Variants in ASIC2 observed in about 807,000 individuals in gnomAD.
The protein encoded by ASIC2 is acid sensing ion channel subunit 2.
Under a neutral mutation model 57.3 loss-of-function variants are expected in ASIC2, and 25 were observed. That is an observed-to-expected ratio of 0.44 (90% CI 0.32 to 0.61). The LOEUF (loss-of-function observed/expected upper bound fraction) is 0.61, where lower values mean the gene tolerates loss of function less well. ASIC2 is among the 20% of genes least tolerant of loss of function. ASIC2 has a pLI of 0.06. For synonymous variants in ASIC2, 319 were observed against 307.5 expected (o/e 1.04, Z -0.39); for missense variants, 641 against 738.1 (o/e 0.87, Z 1.52).
chr17:33,405,155 G>A (rs2141961032), intron 1 of ASIC2, among the ~76,000 whole-genome samples: 1 of 152,202 alleles, frequency 6.6e-6, no homozygotes, highest in South Asian at 2.1e-4. Context: ...ATTATCAAAT[G>A]TTTCTCAAGG....
At chr17:33,553,735 C>G (rs182710826) in intron 1 of ASIC2, among the ~76,000 whole-genome samples, 9 of 152,290 alleles carry the variant, frequency 5.9e-5, no homozygotes, top group Admixed American at 5.9e-4. Flanking sequence ...TTCATTCTCA[C>G]AACATTCAAT....
At chr17:33,970,510 G>A (rs73990107) in intron 1 of ASIC2, among the ~76,000 whole-genome samples, 23,933 of 152,164 alleles carry the variant, frequency 0.16, 2,058 homozygotes, top group Middle Eastern at 0.23. Flanking sequence ...AGCAGCAGCC[G>A]TGGCATCACA....
At chr17:34,115,037 T>A (rs1282839230) in intron 1 of ASIC2, among the ~76,000 whole-genome samples, 1 of 152,220 alleles carries the variant, frequency 6.6e-6, no homozygotes, top group African/African-American at 2.4e-5. Flanking sequence ...GTTGCTCATT[T>A]CAGTGACCAG....
chr17:33,404,559 T>G (rs893284906), intron 1 of ASIC2, among the ~76,000 whole-genome samples: 13 of 152,184 alleles, frequency 8.5e-5, no homozygotes, highest in African/African-American at 3.1e-4. Flanking sequence ...TCCAATCAGT[T>G]GCACTCCAGA....
intron 1 of ASIC2, among the ~76,000 whole-genome samples, chr17:33,232,590 T>C (rs1489156220): frequency 1.3e-5 from 2 of 152,194 alleles, no homozygotes; most frequent in Non-Finnish European, 2.9e-5. Flanking sequence ...GTATTTGTGC[T>C]TTAAAAATAT....
At chr17:34,150,092 T>C (rs1440618812) in intron 1 of ASIC2, among the ~76,000 whole-genome samples, 1 of 152,204 alleles carries the variant, frequency 6.6e-6, no homozygotes, top group African/African-American at 2.4e-5. Flanking sequence ...TGTGACAACA[T>C]AGATGAACCT....
intron 1 of ASIC2, among the ~76,000 whole-genome samples, chr17:34,012,718 A>ATTT (rs201807010): frequency 6.7e-6 from 1 of 149,392 alleles, no homozygotes; most frequent in East Asian, 2.0e-4. Flanking sequence ...ACAGAGAATG[A>ATTT]TTTTTTTTTT....
intron 1 of ASIC2, among the ~76,000 whole-genome samples, chr17:33,159,904 C>G (rs1040670640): frequency 2.0e-5 from 3 of 152,148 alleles, no homozygotes; most frequent in African/African-American, 7.2e-5. Flanking sequence ...CAATGCCTGG[C>G]ACATAGAAAA....
intron 1 of ASIC2, among the ~76,000 whole-genome samples, chr17:33,925,167 G>A (rs1915798059): frequency 6.6e-6 from 1 of 152,258 alleles, no homozygotes; most frequent in Admixed American, 6.5e-5. Context: ...TTCAAGTCCA[G>A]CTATGTGACC....
chr17:33,753,567 A>G (rs1318798731), intron 1 of ASIC2, among the ~76,000 whole-genome samples: 3 of 152,286 alleles, frequency 2.0e-5, no homozygotes, highest in Non-Finnish European at 4.4e-5. Flanking sequence ...CTAGAATCAC[A>G]GCAGCTTCAG....
chr17:33,105,721 A>G (rs529839567), intron 2 of ASIC2, among the ~76,000 whole-genome samples: 2 of 152,224 alleles, frequency 1.3e-5, no homozygotes, highest in East Asian at 3.9e-4. Context: ...ATTCCTAGAG[A>G]CTCATCAAAT....
At chr17:33,466,481 G>GA (rs746297067) in intron 1 of ASIC2, among the ~76,000 whole-genome samples, 58 of 150,832 alleles carry the variant, frequency 3.8e-4, no homozygotes, top group East Asian at 9.7e-4. Context: ...ACAGAATTGG[G>GA]AAAAAAAAAC....
intron 1 of ASIC2, among the ~76,000 whole-genome samples, chr17:33,279,829 C>T (rs918180708): frequency 6.6e-6 from 1 of 152,114 alleles, no homozygotes; most frequent in Non-Finnish European, 1.5e-5. Flanking sequence ...TTTCTACTAA[C>T]CTTCTGAGCT....
intron 3 of ASIC2, among the ~76,000 whole-genome samples, chr17:33,054,888 T>C (rs1271538905): frequency 6.6e-6 from 1 of 152,182 alleles, no homozygotes; most frequent in Non-Finnish European, 1.5e-5. Flanking sequence ...GGGCGTGATG[T>C]AGGGCGGGCA....
rs1790153491 is a variant in ASIC2, at chr17:33,589,729, T to G, written c.556-477662A>C. ...CCTCTCAAAGGCTGAATAATATTCA[T>G]ATATATATATTCACACACCACATTT... On this transcript the variant is annotated intron_variant, in intron 1 of 9. Coordinates refer to the ASIC2 transcript ENST00000359872. 2.6e-5 allele frequency among the ~76,000 whole-genome samples: 4 copies of G among 152,242 alleles called. No individual in the cohort carries two copies. In the South Asian group the frequency reaches 8.3e-4, roughly 32 times the overall value.
chr17:33,900,444 T>A (rs1170364028), intron 1 of ASIC2, among the ~76,000 whole-genome samples: 1 of 152,132 alleles, frequency 6.6e-6, no homozygotes, highest in Admixed American at 6.5e-5. Context: ...CTCCCAACAC[T>A]GAGAATCTGT....
At chr17:33,837,588 T>G (rs573085944) in intron 1 of ASIC2, among the ~76,000 whole-genome samples, 13 of 152,332 alleles carry the variant, frequency 8.5e-5, no homozygotes, top group African/African-American at 2.6e-4. Context: ...CTTTCCTTTC[T>G]CCTAAATGCC....
chr17:33,160,138 G>A (rs60375252), intron 1 of ASIC2, among the ~76,000 whole-genome samples: 39,299 of 151,844 alleles, frequency 0.26, 5,224 homozygotes, highest in East Asian at 0.4. Flanking sequence ...GAGCCTAGGA[G>A]GTGGAGGCTG....
At chr17:33,281,798 G>C (rs1253129997) in intron 1 of ASIC2, among the ~76,000 whole-genome samples, 2 of 152,140 alleles carry the variant, frequency 1.3e-5, no homozygotes, top group African/African-American at 4.8e-5. Flanking sequence ...TGTAATATGA[G>C]GGCATGAACC....
Sources: gnomAD v4.1 joint callset for allele counts (sites outside exome capture counted in the v4.1 genomes callset) on GRCh38, gnomAD v4.1.1 for gene constraint, MANE v1.5 for transcripts, NCBI Gene and HGNC (gene_info 2026-07-23, HGNC 2026-07-21) for gene names.